CDYL2: variants seen among roughly 807,000 people sequenced by gnomAD.
The protein encoded by CDYL2 is chromodomain Y-like protein 2.
A neutral mutation model predicts 49.4 loss-of-function variants in CDYL2; 23 were observed. That is an observed-to-expected ratio of 0.47 (90% CI 0.34 to 0.66). The LOEUF is 0.66. CDYL2 is among the 30% of genes least tolerant of loss of function. The probability of loss-of-function intolerance (pLI) is 0.01; values close to 1 mark genes in which losing one functional copy is unlikely to be tolerated. For missense variants in CDYL2, 678 were observed against 656.4 expected, an observed-to-expected ratio of 1.03 and a Z score of -0.36; for synonymous variants, 360 against 268.8, an observed-to-expected ratio of 1.34 and a Z score of -3.32.
At chr16:80,719,115 C>T (rs962461721) in intron 1 of CDYL2, among the ~76,000 whole-genome samples, 1 of 152,164 alleles carries the variant, frequency 6.6e-6, no homozygotes, top group African/African-American at 2.4e-5. Flanking sequence ...GTACTGAACA[C>T]CTGTTACGTG....
chr16:80,604,820 A>G (rs1906259739), intron 6 of CDYL2, among the ~76,000 whole-genome samples: 1 of 152,232 alleles, frequency 6.6e-6, no homozygotes. Flanking sequence ...CAATGGTGAT[A>G]CAAACACAGA....
At chr16:80,733,310 G>T (rs754008074) in intron 1 of CDYL2, among the ~76,000 whole-genome samples, 4 of 152,212 alleles carry the variant, frequency 2.6e-5, no homozygotes, top group Non-Finnish European at 5.9e-5. Context: ...CAGCAGGCTG[G>T]GGAGCGGTCA....
intron 1 of CDYL2, among the ~76,000 whole-genome samples, chr16:80,780,739 T>A (rs1258835056): frequency 6.6e-6 from 1 of 152,088 alleles, no homozygotes; most frequent in Non-Finnish European, 1.5e-5. Flanking sequence ...TTGACAAAAT[T>A]GTCCACATCA....
In CDYL2 at chr16:80,608,097, C is replaced by T. The variant is rs148875027; in HGVS notation, c.1357G>A (p.Ala453Thr). 1,162 of 1,583,496 alleles carry T rather than the reference C, an allele frequency of 7.3e-4. 1 individual carries two copies. Among genetic ancestry groups the T allele is most frequent in the Non-Finnish European group, 9.4e-4 (1,100 of 1,164,120 alleles). Residue 453 changes from alanine (A) to threonine (T), a missense_variant, in exon 6 of 7, where the codon GCC becomes ACC. Physicochemically the swap from Ala to Thr is moderately conservative, Grantham distance 58. Around this residue, in one of 3 missense-constraint regions of CDYL2, gnomAD observed 153 missense variants for 150.6 expected, o/e 1.02. Transcript: ENST00000570137. ...LRVKEMASCSAVVLEESKCLV... is the reference protein window; with the variant it reads ...LRVKEMASCSTVVLEESKCLV... ...CAGGAGGCGCAGGAACTCACCACGG[C>T]ACTGCAGGATGCCATCTCCTTGACC... is the stretch of plus-strand genomic sequence containing the variant.
chr16:80,800,316 T>C (rs1038409250), intron 1 of CDYL2, among the ~76,000 whole-genome samples: 4 of 152,084 alleles, frequency 2.6e-5, no homozygotes, highest in Non-Finnish European at 5.9e-5. Context: ...AAATCGTCTC[T>C]CTTAGAAGCA....
chr16:80,659,975 A>G (rs1051546126), intron 2 of CDYL2, among the ~76,000 whole-genome samples: 1 of 152,246 alleles, frequency 6.6e-6, no homozygotes, highest in Non-Finnish European at 1.5e-5. Flanking sequence ...CAGAAAAATC[A>G]TATTGTCAAA....
At chr16:80,619,019 T>G (rs1906958159) in intron 4 of CDYL2, among the ~76,000 whole-genome samples, 1 of 152,206 alleles carries the variant, frequency 6.6e-6, no homozygotes, top group Non-Finnish European at 1.5e-5. Context: ...GCAGGGCTGG[T>G]TCCTTCTGGA....
intron 1 of CDYL2, among the ~76,000 whole-genome samples, chr16:80,733,526 A>C (rs1905407399): frequency 6.6e-6 from 1 of 152,154 alleles, no homozygotes; most frequent in Admixed American, 6.5e-5. Context: ...CGCAGTAGGA[A>C]GCTGCAGTTT....
At chr16:80,675,712 G>C (rs896816760) in intron 2 of CDYL2, among the ~76,000 whole-genome samples, 6 of 151,374 alleles carry the variant, frequency 4.0e-5, no homozygotes, top group African/African-American at 1.5e-4. Context: ...TATTGTTTTG[G>C]AACCCTCAAT....
rs535396650 is a variant in CDYL2 at position 80,627,885 on chromosome 16, G to A, written c.834+5134C>T. The A allele has an allele frequency of 5.3e-5, 8 of 152,328 alleles. No homozygotes were observed. In the East Asian group the frequency reaches 1.5e-3, roughly 29 times the overall value. The allele number at this position is 152,328 out of a possible 1,614,324, so 9.4% of individuals were successfully genotyped here. On this transcript the variant is annotated intron_variant, in intron 3 of 6. Coordinates refer to ENST00000570137, the MANE Select transcript of CDYL2 (RefSeq NM_152342.4). ...TAGCTGTCACTTGCACCTGCTATTA[G>A]TTGTCTGCTGGAGAGAACAGACTCC...
At chr16:80,627,024 A>C (rs1486092041) in intron 3 of CDYL2, among the ~76,000 whole-genome samples, 1 of 152,146 alleles carries the variant, frequency 6.6e-6, no homozygotes, top group Admixed American at 6.5e-5. Context: ...CTCCTACTTT[A>C]TACTGTTGGA....
At chr16:80,668,364 A>G (rs1018790482) in intron 2 of CDYL2, among the ~76,000 whole-genome samples, 9 of 152,232 alleles carry the variant, frequency 5.9e-5, no homozygotes, top group African/African-American at 1.7e-4. Context: ...ACAGATATAT[A>G]CATATCTATA....
chr16:80,650,822 C>T (rs1002014612), intron 2 of CDYL2, among the ~76,000 whole-genome samples: 16 of 152,068 alleles, frequency 1.1e-4, no homozygotes, highest in Non-Finnish European at 2.1e-4. Flanking sequence ...TGCAACAACA[C>T]AGATGGAACT....
chr16:80,627,129 T>C (rs765130479), intron 3 of CDYL2, among the ~76,000 whole-genome samples: 4 of 152,190 alleles, frequency 2.6e-5, no homozygotes, highest in Admixed American at 2.0e-4. Context: ...GCTGGAAGGA[T>C]GGAATAAGCA....
At chr16:80,719,625 A>G (rs555322296) in intron 1 of CDYL2, among the ~76,000 whole-genome samples, 3 of 152,350 alleles carry the variant, frequency 2.0e-5, no homozygotes, top group East Asian at 1.9e-4. Flanking sequence ...ACAAACAAGT[A>G]TCTGTACCTT....
At chr16:80,659,961 T>C (rs979330580) in intron 2 of CDYL2, among the ~76,000 whole-genome samples, 4 of 151,888 alleles carry the variant, frequency 2.6e-5, no homozygotes, top group South Asian at 4.2e-4. Flanking sequence ...AAAAAAAGCA[T>C]AGACAGAAAA....
intron 2 of CDYL2, among the ~76,000 whole-genome samples, chr16:80,678,456 T>G (rs1170022149): frequency 6.6e-6 from 1 of 152,058 alleles, no homozygotes; most frequent in Admixed American, 6.6e-5. Flanking sequence ...GCGAAGGACA[T>G]GAACAGACAC....
At chr16:80,669,604 T>A (rs1442776154) in intron 2 of CDYL2, among the ~76,000 whole-genome samples, 3 of 152,066 alleles carry the variant, frequency 2.0e-5, no homozygotes, top group Non-Finnish European at 4.4e-5. Context: ...GATGCCAGAA[T>A]TGGGAGCTAG....
chr16:80,750,661 AG>A (rs1438301641), intron 1 of CDYL2, among the ~76,000 whole-genome samples: 1 of 137,386 alleles, frequency 7.3e-6, no homozygotes, highest in Non-Finnish European at 1.7e-5. Flanking sequence ...ATCAGAAATT[AG>A]AAAAAGTTGC....
Sources: gnomAD v4.1 joint callset for allele counts (sites outside exome capture counted in the v4.1 genomes callset) on GRCh38, gnomAD v4.1.1 for gene constraint, gnomAD v4.1.1 regional missense constraint, MANE v1.5 for transcripts, NCBI Gene and HGNC (gene_info 2026-07-23, HGNC 2026-07-21) for gene names.